Variants in HTR4 observed in about 807,000 individuals in gnomAD.
HTR4 encodes the protein 5-hydroxytryptamine (serotonin) receptor 4, G protein-coupled.
In HTR4, 16 loss-of-function variants were observed where a neutral mutation model predicts 36.8. The observed-to-expected ratio is 0.43, with a 90% confidence interval of 0.29 to 0.66. HTR4 has a LOEUF of 0.66. Ranked by LOEUF, HTR4 falls within the 30% of genes least tolerant of loss-of-function variation. The pLI is 0.13. For missense variants in HTR4, 438 were observed against 490.9 expected (o/e 0.89, Z 1.02); for synonymous variants, 189 against 185.1 (o/e 1.02, Z -0.17).
intron 4 of HTR4, among the ~76,000 whole-genome samples, chr5:148,544,318 T>TCC (rs1759272647): frequency 6.6e-6 from 1 of 150,850 alleles, no homozygotes; most frequent in Non-Finnish European, 1.5e-5. Context: ...TCTCTCTCTC[T>TCC]CCACCTCTCT....
At chr5:148,617,153 T>C (rs562937211) in intron 2 of HTR4, among the ~76,000 whole-genome samples, 2 of 152,346 alleles carry the variant, frequency 1.3e-5, no homozygotes, top group Non-Finnish European at 1.5e-5. Context: ...AATGGTTTAA[T>C]GCCATGTTTG....
chr5:148,470,443 C>A (rs1755536492), intron 5 of HTR4, among the ~76,000 whole-genome samples: 1 of 152,148 alleles, frequency 6.6e-6, no homozygotes, highest in Admixed American at 6.5e-5. Context: ...GAGTTGCCAA[C>A]TTTTTTAGAG....
chr5:148,509,059 A>G (rs1449526169), intron 6 of HTR4, among the ~76,000 whole-genome samples: 1 of 152,130 alleles, frequency 6.6e-6, no homozygotes, highest in Non-Finnish European at 1.5e-5. Context: ...TTAAATAATA[A>G]TAGATAACAT....
intron 5 of HTR4, among the ~76,000 whole-genome samples, chr5:148,458,609 C>A (rs1755186491): frequency 6.6e-6 from 1 of 152,016 alleles, no homozygotes; most frequent in Non-Finnish European, 1.5e-5. Flanking sequence ...GAGATGAGAA[C>A]TGAAAATTGA....
intron 2 of HTR4, among the ~76,000 whole-genome samples, chr5:148,552,918 T>C (rs914314084): frequency 1.3e-5 from 2 of 152,198 alleles, no homozygotes; most frequent in Non-Finnish European, 2.9e-5. Flanking sequence ...CTCATAATGG[T>C]TATATTTATT....
At chr5:148,454,714 T>C (rs1755056342) in intron 5 of HTR4, among the ~76,000 whole-genome samples, 2 of 152,176 alleles carry the variant, frequency 1.3e-5, no homozygotes, top group Non-Finnish European at 2.9e-5. Flanking sequence ...ATAATCACAG[T>C]TGCTCTGCAG....
intron 2 of HTR4, among the ~76,000 whole-genome samples, chr5:148,573,904 T>C (rs1024477721): frequency 6.6e-6 from 1 of 152,068 alleles, no homozygotes; most frequent in Non-Finnish European, 1.5e-5. Context: ...ACGAGTCTCT[T>C]ACCACTCTGA....
intron 5 of HTR4, among the ~76,000 whole-genome samples, chr5:148,469,020 G>T (rs147029421): frequency 9.2e-5 from 14 of 152,258 alleles, no homozygotes; most frequent in African/African-American, 3.1e-4. Flanking sequence ...GCAGAACTGT[G>T]AGTCAATTAA....
At chr5:148,535,433 G>A in intron 4 of HTR4, among the ~76,000 whole-genome samples, 1 of 152,128 alleles carries the variant, frequency 6.6e-6, no homozygotes, top group East Asian at 1.9e-4. Flanking sequence ...TAGGAATGAA[G>A]AGTATCAAGA....
chr5:148,481,613 C>A lies in HTR4; in HGVS notation c.*1590G>T, dbSNP rs1755889872. 6.6e-7 allele frequency: 1 copy of A among 1,508,112 alleles called. No homozygotes were observed. Among genetic ancestry groups the A allele is most frequent in the Non-Finnish European group, 8.8e-7 (1 of 1,139,722 alleles). The allele number at this position is 1,508,112 out of a possible 1,614,324, so 93.4% of individuals were successfully genotyped here. On this transcript the variant is annotated 3_prime_UTR_variant, in exon 7 of 7. Transcript: ENST00000377888. The stretch of plus-strand genomic sequence containing the variant: ...TCCTTATTCCAAAGTTTCTTCCTGT[C>A]GGTTTCAGTTCCAGAACTAAAGTAA...
At chr5:148,615,867 T>G (rs1324699112) in intron 2 of HTR4, among the ~76,000 whole-genome samples, 2 of 152,186 alleles carry the variant, frequency 1.3e-5, no homozygotes, top group African/African-American at 4.8e-5. Context: ...CCAAAATACT[T>G]TTTTGAAAAA....
At chr5:148,486,646 C>T (rs1425327610) in intron 6 of HTR4, among the ~76,000 whole-genome samples, 1 of 152,170 alleles carries the variant, frequency 6.6e-6, no homozygotes, top group African/African-American at 2.4e-5. Context: ...TGGGCACCAG[C>T]TGTGTGTGGG....
At chr5:148,550,069 A>G (rs1393350391) in intron 3 of HTR4, 68 bp downstream of exon 3, 4 of 1,506,436 alleles carry the variant, frequency 2.7e-6, no homozygotes, top group Non-Finnish European at 3.6e-6. Context: ...AGAAATGTTC[A>G]CACCCAACTC....
At chr5:148,490,183 ATGTG>A (rs575869007) in intron 6 of HTR4, among the ~76,000 whole-genome samples, 1 of 148,096 alleles carries the variant, frequency 6.8e-6, no homozygotes, top group Non-Finnish European at 1.5e-5. Flanking sequence ...ATATATATGT[ATGTG>A]TGTGTGTATA....
chr5:148,585,264 A>G (rs1352385147), intron 2 of HTR4, among the ~76,000 whole-genome samples: 1 of 152,214 alleles, frequency 6.6e-6, no homozygotes, highest in Non-Finnish European at 1.5e-5. Flanking sequence ...TCCATTGTTT[A>G]TCCAGGGAAT....
chr5:148,563,932 C>CTGAA (rs896515515), intron 2 of HTR4, among the ~76,000 whole-genome samples: 9 of 152,136 alleles, frequency 5.9e-5, no homozygotes, highest in African/African-American at 1.9e-4. Context: ...GAATGACTGA[C>CTGAA]TGAATGAATG....
In HTR4 at chr5:148,598,897, A is replaced by G. The variant is rs1344897310; in HGVS notation, c.26+38092T>C. Among the ~76,000 whole-genome samples, 9 of 152,204 alleles carry G rather than the reference A, an allele frequency of 5.9e-5. No individual in the cohort carries two copies. The South Asian group carries it at 1.2e-3, about 21-fold the overall frequency. On this transcript the variant is annotated intron_variant, in intron 2 of 6. Coordinates refer to ENST00000377888, the MANE Select transcript of HTR4 (RefSeq NM_000870.7). ...GTTAACATGTTCAAGAAAATAGACG[A>G]TAAGATGGACAGAATTTCACAAGTA...
chr5:148,549,380 GC>G (rs1759565240), intron 3 of HTR4, among the ~76,000 whole-genome samples: 1 of 152,104 alleles, frequency 6.6e-6, no homozygotes, highest in African/African-American at 2.4e-5. Context: ...TCAGAATTGC[GC>G]TTTTGCACTT....
At chr5:148,607,741 T>C (rs11952121) in intron 2 of HTR4, among the ~76,000 whole-genome samples, 3,767 of 152,236 alleles carry the variant, frequency 0.025, 178 homozygotes, top group African/African-American at 0.086. Flanking sequence ...GTAGTAGCTA[T>C]CAGAATATTC....
Sources: allele counts gnomAD v4.1 joint callset (sites outside exome capture counted in the v4.1 genomes callset), GRCh38; gene constraint gnomAD v4.1.1; transcripts MANE v1.5; gene names NCBI Gene and HGNC (gene_info 2026-07-23, HGNC 2026-07-21).